MAP3K7CL: variants seen among roughly 807,000 people sequenced by gnomAD.
MAP3K7CL encodes MAP3K7 C-terminal-like protein.
Under a neutral mutation model 18.6 loss-of-function variants are expected in MAP3K7CL, and 16 were observed. The observed-to-expected ratio is 0.86, with a 90% confidence interval of 0.58 to 1.31. The LOEUF (loss-of-function observed/expected upper bound fraction) is 1.31, where lower values mean the gene tolerates loss of function less well. Among genes scored for constraint, MAP3K7CL ranks in the 50% most tolerant of loss-of-function variants. The probability of loss-of-function intolerance (pLI) is 0.00; values close to 1 mark genes in which losing one functional copy is unlikely to be tolerated. For synonymous variants in MAP3K7CL, 65 were observed against 66.8 expected (o/e 0.97, Z 0.13); for missense variants, 163 against 174.4 (o/e 0.93, Z 0.37).
At position 29,175,021 on chromosome 21, in the gene MAP3K7CL, A is replaced by G; in HGVS notation, c.*129A>G. On this transcript the variant is annotated 3_prime_UTR_variant, in exon 5 of 5. Transcript: ENST00000399928. ...TATTACCCACATGACAACTGTCTAT[A>G]ATGAGTTTACTGCTTGCCAGCTTCT... 1.1e-6 allele frequency: 1 copy of G among 891,036 alleles called. No homozygotes were observed. The highest frequency in any genetic ancestry group is 1.6e-6 in the Non-Finnish European group (1 of 616,340). 55.2% of individuals were successfully genotyped at this position (891,036 alleles called of 1,614,324 possible).
intron 4 of MAP3K7CL, among the ~76,000 whole-genome samples, chr21:29,099,943 C>T (rs1435451182): frequency 6.6e-5 from 10 of 151,900 alleles, no homozygotes; most frequent in African/African-American, 1.5e-4. Context: ...ATTAGCCGGG[C>T]GTGGTGGCGG....
intron 2 of MAP3K7CL, among the ~76,000 whole-genome samples, chr21:29,135,636 CT>C (rs1038067964): frequency 3.3e-5 from 5 of 152,146 alleles, no homozygotes; most frequent in African/African-American, 1.2e-4. Context: ...GGATGTACAA[CT>C]TGCAATTAAT....
At chr21:29,160,099 C>T (rs776477803) in intron 4 of MAP3K7CL, 43 bp downstream of exon 4, 3 of 1,520,186 alleles carry the variant, frequency 2.0e-6, no homozygotes, top group South Asian at 2.3e-5. Flanking sequence ...GCACTGCCTA[C>T]TGGGCAAGGA....
intron 1 of MAP3K7CL, among the ~76,000 whole-genome samples, chr21:29,086,472 G>A (rs373678667): frequency 6.6e-6 from 1 of 152,176 alleles, no homozygotes; most frequent in African/African-American, 2.4e-5. Context: ...GATGCTCTGG[G>A]GGAAATTAAG....
intron 4 of MAP3K7CL, among the ~76,000 whole-genome samples, chr21:29,119,336 A>G (rs916517201): frequency 4.6e-5 from 7 of 152,198 alleles, no homozygotes; most frequent in African/African-American, 1.7e-4. Context: ...CCATGTACTC[A>G]TCACTAATTC....
At chr21:29,129,530 T>A (rs572920744), upstream of MAP3K7CL, among the ~76,000 whole-genome samples, 30 of 152,358 alleles carry the variant, frequency 2.0e-4, 1 homozygote, top group South Asian at 6.2e-3. Flanking sequence ...TTTCTTTTTA[T>A]CCCTGAATGA....
chr21:29,154,855 A>G (rs955314421), intron 3 of MAP3K7CL, among the ~76,000 whole-genome samples: 2 of 152,202 alleles, frequency 1.3e-5, no homozygotes, highest in Non-Finnish European at 2.9e-5. Context: ...ACATATATAG[A>G]TACTTTGGAG....
chr21:29,097,957 G>GA (rs200036098), intron 4 of MAP3K7CL, among the ~76,000 whole-genome samples: 3 of 151,964 alleles, frequency 2.0e-5, no homozygotes, highest in Admixed American at 6.5e-5. Context: ...GAATTATAGG[G>GA]AAAAAATCTA....
intron 4 of MAP3K7CL, among the ~76,000 whole-genome samples, chr21:29,101,090 C>A (rs903941424): frequency 6.6e-6 from 1 of 151,682 alleles, no homozygotes; most frequent in Non-Finnish European, 1.5e-5. Context: ...CATGAGCTAC[C>A]GCGCGTGGCC....
At chr21:29,149,081 A>G (rs560167433) in intron 2 of MAP3K7CL, 108 bp from the exon 3 acceptor site, 3 of 915,736 alleles carry the variant, frequency 3.3e-6, no homozygotes, top group Admixed American at 1.9e-5. Flanking sequence ...AACTGAAGTG[A>G]TGAAATGACT....
At chr21:29,083,959 A>G (rs2085880760), upstream of MAP3K7CL, among the ~76,000 whole-genome samples, 1 of 147,494 alleles carries the variant, frequency 6.8e-6, no homozygotes, top group Admixed American at 6.8e-5. Context: ...ATTATAATAT[A>G]TAATATATAT....
At chr21:29,161,898 G>T (rs2471947) in intron 4 of MAP3K7CL, among the ~76,000 whole-genome samples, 42,784 of 152,016 alleles carry the variant, frequency 0.28, 7,549 homozygotes, top group Non-Finnish European at 0.37. Flanking sequence ...TTCCTTCCTT[G>T]CTTGGTTTGC....
At chr21:29,102,413 T>A (rs1220835255) in intron 4 of MAP3K7CL, 1 of 151,850 alleles carries the variant, frequency 6.6e-6, no homozygotes, top group East Asian at 1.9e-4. Flanking sequence ...CTCAGCTTTT[T>A]AAGACATAGA....
intron 4 of MAP3K7CL, among the ~76,000 whole-genome samples, chr21:29,116,196 A>G (rs78400911): frequency 5.9e-4 from 90 of 152,332 alleles, no homozygotes; most frequent in Middle Eastern, 3.4e-3. Context: ...GCAGGCTACA[A>G]TAAATCTTCA....
intron 1 of MAP3K7CL, 114 bp downstream of exon 1, chr21:29,131,037 G>C (rs558439616): frequency 1.5e-6 from 1 of 646,230 alleles, no homozygotes; most frequent in African/African-American, 2.0e-5. Flanking sequence ...TTCCCCAGAC[G>C]GTGTGATGAA....
intron 4 of MAP3K7CL, among the ~76,000 whole-genome samples, chr21:29,097,581 A>G (rs1241047801): frequency 2.6e-5 from 4 of 152,068 alleles, no homozygotes; most frequent in Non-Finnish European, 4.4e-5. Context: ...GATTTGCTAC[A>G]TAGTCTCCCT....
upstream of MAP3K7CL, chr21:29,128,065 A>G (rs1279461972): frequency 2.0e-5 from 3 of 152,258 alleles, no homozygotes; most frequent in Non-Finnish European, 2.9e-5. Flanking sequence ...TGTCACCACC[A>G]GCTTTTCTGA....
At chr21:29,092,476 T>A in exon 4 of MAP3K7CL, 5 of 1,614,266 alleles carry the variant, frequency 3.1e-6, no homozygotes, top group Non-Finnish European at 4.2e-6. Context: ...TTTGGCCATG[T>A]TGGAGGACAA....
upstream of MAP3K7CL, among the ~76,000 whole-genome samples, chr21:29,128,427 C>T (rs1021081037): frequency 2.6e-5 from 4 of 152,116 alleles, no homozygotes; most frequent in South Asian, 2.1e-4. Flanking sequence ...CTCAGCCTCC[C>T]GAGTAGCTGG....
Sources: allele counts gnomAD v4.1 joint callset (sites outside exome capture counted in the v4.1 genomes callset), GRCh38; gene constraint gnomAD v4.1.1; transcripts MANE v1.5; gene names NCBI Gene and HGNC (gene_info 2026-07-23, HGNC 2026-07-21).